DNAAF9: variants seen among roughly 807,000 people sequenced by gnomAD.
DNAAF9 encodes shulin.
Under a neutral mutation model 167.0 loss-of-function variants are expected in DNAAF9, and 90 were observed. The observed-to-expected ratio is 0.54, with a 90% CI of 0.45 to 0.64. The LOEUF (loss-of-function observed/expected upper bound fraction) is 0.64. DNAAF9 is among the 30% of genes least tolerant of loss of function. The pLI is 0.00. For synonymous variants in DNAAF9, 491 were observed against 508.8 expected, an observed-to-expected ratio of 0.96 and a Z score of 0.47; for missense variants, 1,315 against 1,442.2, an observed-to-expected ratio of 0.91 and a Z score of 1.43.
chr20:3,259,391 C>T, intron 33 of DNAAF9, 89 bp downstream of exon 33: 1 of 883,154 alleles, frequency 1.1e-6, no homozygotes, highest in Admixed American at 1.7e-5. Context: ...CATCAGTGGT[C>T]TGCAGAGCAC....
At chr20:3,368,987 G>C (rs1396211002) in intron 6 of DNAAF9, among the ~76,000 whole-genome samples, 4 of 152,090 alleles carry the variant, frequency 2.6e-5, no homozygotes, top group Admixed American at 2.0e-4. Flanking sequence ...AAATTAGCCA[G>C]GCATGGTGGA....
intron 10 of DNAAF9, among the ~76,000 whole-genome samples, chr20:3,336,268 T>TTTTTTTTTTTTTTTTTG (rs2069947008): frequency 6.7e-6 from 1 of 149,510 alleles, no homozygotes; most frequent in African/African-American, 2.5e-5. Flanking sequence ...GTTTTTTTTT[T>TTTTTTTTTTTTTTTTTG]TTTTTTTGCC....
At chr20:3,334,865 C>T (rs533010146) in intron 10 of DNAAF9, among the ~76,000 whole-genome samples, 10 of 152,254 alleles carry the variant, frequency 6.6e-5, no homozygotes, top group South Asian at 4.1e-4. Context: ...CAATGTGTTT[C>T]GGTTCAAACA....
At chr20:3,340,700 A>T in intron 9 of DNAAF9, 61 bp from the exon 10 acceptor site, 1 of 1,530,228 alleles carries the variant, frequency 6.5e-7, no homozygotes, top group Non-Finnish European at 9.0e-7. Context: ...GCAACCTTCC[A>T]TGACCTTAAT....
intron 31 of DNAAF9, among the ~76,000 whole-genome samples, chr20:3,263,474 G>A (rs548168323): frequency 2.7e-4 from 41 of 152,312 alleles, no homozygotes; most frequent in African/African-American, 9.6e-4. Context: ...ACAGGAATAA[G>A]TGTAGCACGA....
At chr20:3,255,155 A>G in intron 35 of DNAAF9, 64 bp downstream of exon 35, 2 of 979,876 alleles carry the variant, frequency 2.0e-6, no homozygotes, top group Non-Finnish European at 3.2e-6. Flanking sequence ...TCCAAAATAC[A>G]GAGCTAGGCA....
At chr20:3,359,995 C>T (rs1436444026) in intron 6 of DNAAF9, 2 of 155,794 alleles carry the variant, frequency 1.3e-5, no homozygotes, top group East Asian at 1.9e-4. Context: ...CAACCTTTCC[C>T]AAACCCCCAC....
At chr20:3,402,803 C>G (rs2084005917) in intron 1 of DNAAF9, among the ~76,000 whole-genome samples, 1 of 152,082 alleles carries the variant, frequency 6.6e-6, no homozygotes, top group Non-Finnish European at 1.5e-5. Context: ...AGACTGGTCT[C>G]AAACTCCTGG....
At position 3,265,011 on chromosome 20, in the gene DNAAF9, C is replaced by T. The variant is rs958749330; in HGVS notation, c.2787-487G>A. Among the ~76,000 whole-genome samples, 16 of 152,266 alleles carry T rather than the reference C, an allele frequency of 1.1e-4. No homozygotes were observed. In the South Asian group the frequency reaches 2.9e-3, roughly 28 times the overall value. ...CCCCTAAATACTTCAGTATGCATCT[C>T]CCAAGAACAAGGACATTCTCTTACA... On this transcript the variant is annotated intron_variant, in intron 30 of 36. Coordinates refer to ENST00000252032, the MANE Select transcript of DNAAF9 (RefSeq NM_001009984.3).
chr20:3,394,004 G>A (rs1387497355), intron 1 of DNAAF9, among the ~76,000 whole-genome samples: 2 of 152,096 alleles, frequency 1.3e-5, no homozygotes, highest in African/African-American at 4.8e-5. Flanking sequence ...TCAGTCATTT[G>A]AGTTTTTTCA....
At chr20:3,357,774 T>C (rs1420610613) in intron 7 of DNAAF9, among the ~76,000 whole-genome samples, 2 of 151,900 alleles carry the variant, frequency 1.3e-5, no homozygotes, top group East Asian at 3.9e-4. Flanking sequence ...TCTCGGCTCA[T>C]TGCAACCTCT....
intron 7 of DNAAF9, among the ~76,000 whole-genome samples, chr20:3,356,922 G>A (rs2083294500): frequency 6.6e-6 from 1 of 152,070 alleles, no homozygotes; most frequent in Non-Finnish European, 1.5e-5. Flanking sequence ...AAAAAGGTAT[G>A]AAAAAATAAT....
At chr20:3,295,602 C>T (rs2122943287) in intron 23 of DNAAF9, 1 of 403,548 alleles carries the variant, frequency 2.5e-6, no homozygotes, top group East Asian at 6.3e-5. Flanking sequence ...AGGACTGGGG[C>T]AATCCAGGGG....
intron 10 of DNAAF9, among the ~76,000 whole-genome samples, chr20:3,333,577 T>C (rs961882093): frequency 1.3e-5 from 2 of 152,358 alleles, no homozygotes; most frequent in Admixed American, 1.3e-4. Flanking sequence ...ATCATCAATA[T>C]TGCCATGACA....
rs2069115137 is a variant in DNAAF9 at position 3,298,100 on chromosome 20, G to A, written c.1858C>T (p.His620Tyr). Residue 620 changes from histidine to tyrosine, a missense_variant, in exon 22 of 37, where the codon CAT becomes TAT. By Grantham distance (83) the His-to-Tyr change is moderately conservative. Transcript: ENST00000252032. ...ATCATCAGAAAATTGCTTGATCCAT[G>A]GAAATGAACTGGGAGGTGAGGAAGC... Reference protein sequence around the residue: ...SLLPHLPVHFHGSSNFLMIAL... With the variant: ...SLLPHLPVHFYGSSNFLMIAL... 6.2e-7 allele frequency: 1 copy of A among 1,612,224 alleles called. No individual in the cohort carries two copies. Among genetic ancestry groups the A allele is most frequent in the Non-Finnish European group, 8.5e-7 (1 of 1,178,252 alleles).
chr20:3,256,302 A>G (rs897659888), intron 33 of DNAAF9, 91 bp from the exon 34 acceptor site: 2 of 933,478 alleles, frequency 2.1e-6, no homozygotes, highest in Admixed American at 2.0e-5. Flanking sequence ...GTTGGGATAG[A>G]TTCATGAGAA....
chr20:3,300,196 G>A (rs538885214), intron 21 of DNAAF9, among the ~76,000 whole-genome samples: 3 of 152,204 alleles, frequency 2.0e-5, no homozygotes, highest in East Asian at 3.9e-4. Context: ...GAGCCACTGC[G>A]CCCGGCAGCG....
At position 3,364,363 on chromosome 20, in the gene DNAAF9, C is replaced by CT. The variant is rs1309270062; in HGVS notation, c.613-4771dup. Among the ~76,000 whole-genome samples the CT allele has an allele frequency of 1.3e-5, 2 of 152,050 alleles. 1 individual carries two copies. The highest frequency in any genetic ancestry group is 4.8e-5 in the African/African-American group (2 of 41,384). On this transcript the variant is annotated intron_variant, in intron 6 of 36. Transcript: ENST00000252032. ...TTGTATTCCTATAAATATTCTTATG[C>CT]TTTGTTCTGGAAAGCAGTTAAGTAA...
At chr20:3,311,009 T>C (rs749248143) in intron 20 of DNAAF9, among the ~76,000 whole-genome samples, 7 of 152,172 alleles carry the variant, frequency 4.6e-5, no homozygotes, top group Non-Finnish European at 7.4e-5. Flanking sequence ...AAGCCATATG[T>C]GGGCTCATAC....
Sources: allele counts gnomAD v4.1 joint callset (sites outside exome capture counted in the v4.1 genomes callset), GRCh38; gene constraint gnomAD v4.1.1; transcripts MANE v1.5; gene names NCBI Gene and HGNC (gene_info 2026-07-23, HGNC 2026-07-21).